NSRP1: variants seen among roughly 807,000 people sequenced by gnomAD.
NSRP1 encodes nuclear speckle splicing regulatory protein 1.
In NSRP1, 24 loss-of-function variants were observed where a neutral mutation model predicts 54.7. That is an observed-to-expected ratio of 0.44 (90% CI 0.32 to 0.62). The LOEUF (loss-of-function observed/expected upper bound fraction) is 0.62, where lower values mean the gene tolerates loss of function less well. Among genes scored for constraint, NSRP1 ranks in the 20% least tolerant of loss-of-function variants. The pLI is 0.06. For synonymous variants in NSRP1, 210 were observed against 213.8 expected, an observed-to-expected ratio of 0.98 and a Z score of 0.15; for missense variants, 596 against 651.2, an observed-to-expected ratio of 0.92 and a Z score of 0.92.
chr17:30,156,086 C>T (rs575397052), intron 2 of NSRP1, among the ~76,000 whole-genome samples: 4 of 151,886 alleles, frequency 2.6e-5, no homozygotes, highest in Admixed American at 6.6e-5. Flanking sequence ...GCGATCTGCC[C>T]GCCTCGGCCT....
At chr17:30,140,023 C>CA (rs1328204198) in intron 2 of NSRP1, among the ~76,000 whole-genome samples, 10 of 150,046 alleles carry the variant, frequency 6.7e-5, no homozygotes, top group Admixed American at 2.7e-4. Context: ...GACTCCGTCT[C>CA]AAAAAAAAAG....
intron 2 of NSRP1, among the ~76,000 whole-genome samples, chr17:30,134,742 A>G (rs2071733422): frequency 6.6e-6 from 1 of 152,226 alleles, no homozygotes; most frequent in African/African-American, 2.4e-5. Context: ...TTTGTTCATA[A>G]TGGAATTTCC....
intron 2 of NSRP1, among the ~76,000 whole-genome samples, chr17:30,140,283 A>G (rs1227642991): frequency 6.6e-6 from 1 of 152,170 alleles, no homozygotes; most frequent in East Asian, 1.9e-4. Flanking sequence ...TGAATTAATA[A>G]CTTAAAATTT....
intron 2 of NSRP1, among the ~76,000 whole-genome samples, chr17:30,159,026 C>T (rs1227827056): frequency 2.6e-5 from 4 of 152,136 alleles, no homozygotes; most frequent in Non-Finnish European, 4.4e-5. Context: ...GTAGAGATTG[C>T]GTTGAATCTG....
intron 2 of NSRP1, among the ~76,000 whole-genome samples, chr17:30,170,563 A>G (rs1904892509): frequency 6.6e-6 from 1 of 152,176 alleles, no homozygotes; most frequent in South Asian, 2.1e-4. Flanking sequence ...CTGGCTTACC[A>G]TGTAGCATAA....
At chr17:30,140,639 C>T (rs2071796278) in intron 2 of NSRP1, among the ~76,000 whole-genome samples, 1 of 148,232 alleles carries the variant, frequency 6.7e-6, no homozygotes, top group Admixed American at 7.0e-5. Flanking sequence ...AGCGATTCTC[C>T]TGCCTCAGCT....
intron 3 of NSRP1, chr17:30,177,834 G>A: frequency 1.8e-5 from 10 of 548,026 alleles, no homozygotes; most frequent in South Asian, 1.8e-4. Flanking sequence ...TTCTAGATGA[G>A]GAAATTAAGG....
intron 3 of NSRP1, among the ~76,000 whole-genome samples, chr17:30,177,745 T>C (rs180686366): frequency 6.6e-6 from 1 of 152,052 alleles, no homozygotes; most frequent in Admixed American, 6.6e-5. Context: ...TGAATACTTA[T>C]TCTCTATCAG....
Position 30,184,794 on chromosome 17 carries a change from A to G in NSRP1, c.797A>G (p.Asn266Ser). 1 of 1,613,974 alleles carries G rather than the reference A, an allele frequency of 6.2e-7. No homozygotes were observed. Among genetic ancestry groups the G allele is most frequent in the Non-Finnish European group, 8.5e-7 (1 of 1,179,918 alleles). ...ADDEIEETRVNCRREKVIETP... is the reference protein window; with the variant it reads ...ADDEIEETRVSCRREKVIETP... ...GATGAAATAGAAGAAACTAGAGTGA[A>G]CTGCAGAAGGGAAAAGGTCATAGAG... The change falls in exon 7 of 7, where the codon AAC (asparagine) becomes AGC (serine). Residue 266 changes from asparagine to serine, a missense_variant. Physicochemically the swap from Asn to Ser is conservative, Grantham distance 46 (BLOSUM62 1). Transcript: ENST00000247026.
intron 2 of NSRP1, chr17:30,156,789 G>GTA: frequency 6.6e-6 from 1 of 152,290 alleles, no homozygotes; most frequent in Non-Finnish European, 1.5e-5. Flanking sequence ...AAAGTGCTGA[G>GTA]ATTACAGGTG....
intron 2 of NSRP1, chr17:30,168,342 C>T (rs1393600873): frequency 6.6e-6 from 1 of 151,856 alleles, no homozygotes; most frequent in Non-Finnish European, 1.5e-5. Context: ...TAATATATTT[C>T]CTTTCTGGAT....
chr17:30,181,863 G>A (rs957490549), intron 6 of NSRP1, among the ~76,000 whole-genome samples: 1 of 151,832 alleles, frequency 6.6e-6, no homozygotes, highest in African/African-American at 2.4e-5. Context: ...ACCCGCCTCG[G>A]CCTCCCAAAG....
At position 30,172,714 on chromosome 17, in the gene NSRP1, A is replaced by C. The variant is rs1351921444; in HGVS notation, c.171+116A>C. ...ACAGAATAGATTTAAGGAAAAACAC[A>C]ATGAAGAATTAGCTCCTTATTGCTG... On this transcript the variant is annotated intron_variant, in intron 3 of 6. Transcript: ENST00000247026. 5.6e-6 allele frequency: 4 copies of C among 716,194 alleles called. No homozygotes were observed. In the East Asian group the frequency reaches 1.1e-4, roughly 20 times the overall value. 44.4% of individuals were successfully genotyped at this position (716,194 alleles called of 1,614,324 possible).
chr17:30,139,129 G>A (rs1169032295), intron 2 of NSRP1, among the ~76,000 whole-genome samples: 2 of 151,626 alleles, frequency 1.3e-5, no homozygotes, highest in Non-Finnish European at 2.9e-5. Flanking sequence ...GTGTTAGCCA[G>A]GATGGTCTCA....
At chr17:30,165,265 C>CT (rs2078102841) in intron 2 of NSRP1, among the ~76,000 whole-genome samples, 1 of 152,102 alleles carries the variant, frequency 6.6e-6, no homozygotes, top group African/African-American at 2.4e-5. Flanking sequence ...GTGATAGTTA[C>CT]TTGAAGCTCT....
intron 2 of NSRP1, among the ~76,000 whole-genome samples, chr17:30,142,726 T>C (rs759396714): frequency 7.2e-5 from 11 of 152,222 alleles, no homozygotes; most frequent in Non-Finnish European, 1.5e-4. Flanking sequence ...CAGTAATTAC[T>C]ATTCATCATT....
chr17:30,170,668 T>C (rs1238203986), intron 2 of NSRP1, among the ~76,000 whole-genome samples: 1 of 152,232 alleles, frequency 6.6e-6, no homozygotes, highest in South Asian at 2.1e-4. Flanking sequence ...ACAGTTTCTT[T>C]ATCCATTCAT....
intron 2 of NSRP1, among the ~76,000 whole-genome samples, chr17:30,155,364 C>T (rs896832584): frequency 3.9e-5 from 6 of 152,016 alleles, no homozygotes; most frequent in Middle Eastern, 3.4e-3. Flanking sequence ...TATATGCAGG[C>T]GTGTGTGTTT....
chr17:30,182,273 G>T (rs1395209104), intron 6 of NSRP1, among the ~76,000 whole-genome samples: 1 of 152,082 alleles, frequency 6.6e-6, no homozygotes, highest in Non-Finnish European at 1.5e-5. Flanking sequence ...TAAAATGTAA[G>T]ACTTACATAT....
Sources: gnomAD v4.1 joint callset for allele counts (sites outside exome capture counted in the v4.1 genomes callset) on GRCh38, gnomAD v4.1.1 for gene constraint, MANE v1.5 for transcripts, NCBI Gene and HGNC (gene_info 2026-07-23, HGNC 2026-07-21) for gene names.